The following PPP2R2B variants were observed in gnomAD, a reference collection of about 807,000 sequenced individuals.
The protein encoded by PPP2R2B is protein phosphatase 2 regulatory subunit Bbeta.
A neutral mutation model predicts 46.0 loss-of-function variants in PPP2R2B; 5 were observed. That is an observed-to-expected ratio of 0.11 (90% CI 0.06 to 0.23). PPP2R2B has a LOEUF of 0.23. PPP2R2B is among the 10% of genes least tolerant of loss of function. PPP2R2B has a pLI of 1.00. For synonymous variants in PPP2R2B, 215 were observed against 206.7 expected, an observed-to-expected ratio of 1.04 and a Z score of -0.34; for missense variants, 367 against 575.0, an observed-to-expected ratio of 0.64 and a Z score of 3.70.
chr5:147,005,864 T>C (rs1754414078), intron 1 of PPP2R2B, among the ~76,000 whole-genome samples: 1 of 152,124 alleles, frequency 6.6e-6, no homozygotes, highest in African/African-American at 2.4e-5. Flanking sequence ...CCCTATTCCT[T>C]TAAAAGCCAG....
At chr5:146,933,808 A>C (rs1431721175) in intron 1 of PPP2R2B, among the ~76,000 whole-genome samples, 3 of 149,366 alleles carry the variant, frequency 2.0e-5, no homozygotes, top group Non-Finnish European at 4.5e-5. Flanking sequence ...CATTAGGTGT[A>C]TCTCCCAATG....
In PPP2R2B at chr5:146,878,489, A is replaced by T. The variant is rs1038755276; in HGVS notation, c.-125+102T>A. The T allele has an allele frequency of 1.4e-5, 19 of 1,342,110 alleles. No individual in the cohort carries two copies. In the East Asian group the frequency reaches 5.4e-4, roughly 38 times the overall value. 83.1% of individuals were successfully genotyped at this position (1,342,110 alleles called of 1,614,324 possible). ...TGGCAGCCGCTCCAAAATGCAAAAA[A>T]GATCCCTCCTCCCCCTGGGAGAGCG... On this transcript the variant is annotated intron_variant, in intron 1 of 9. Coordinates refer to ENST00000394411, the MANE Select transcript of PPP2R2B (RefSeq NM_181675.4). The surrounding 1 kb of genome is among the most constrained non-coding windows in gnomAD (Gnocchi z 4.5).
At chr5:146,761,510 G>A (rs1396354853) in intron 2 of PPP2R2B, among the ~76,000 whole-genome samples, 1 of 152,130 alleles carries the variant, frequency 6.6e-6, no homozygotes, top group Non-Finnish European at 1.5e-5. Context: ...ACTGGGGACT[G>A]TTGTGGGGTG....
chr5:146,633,844 C>T (rs73793208), intron 7 of PPP2R2B, among the ~76,000 whole-genome samples: 227 of 152,302 alleles, frequency 1.5e-3, no homozygotes, highest in African/African-American at 5.1e-3. Flanking sequence ...GGGCTCTCCC[C>T]GTCTGCTTCT....
intron 1 of PPP2R2B, among the ~76,000 whole-genome samples, chr5:146,938,428 A>T (rs1165861560): frequency 8.3e-6 from 1 of 120,112 alleles, no homozygotes; most frequent in Non-Finnish European, 1.6e-5. Flanking sequence ...ACCTAAGCCC[A>T]AAAGATTCTG....
intron 9 of PPP2R2B, among the ~76,000 whole-genome samples, 179 bp from the exon 10 acceptor site, chr5:146,590,405 T>C (rs1321315777): frequency 6.7e-6 from 1 of 149,482 alleles, no homozygotes; most frequent in Admixed American, 6.6e-5. Flanking sequence ...TGTGTTTTTT[T>C]TTTTTTTTTT....
At chr5:147,062,235 G>A (rs1325657018) in intron 2 of PPP2R2B, among the ~76,000 whole-genome samples, 48 of 152,154 alleles carry the variant, frequency 3.2e-4, no homozygotes, top group Admixed American at 3.1e-3. Context: ...AGGAGCAATA[G>A]GCTGTACCAT....
chr5:147,076,310 G>C (rs1306508190), intron 2 of PPP2R2B, among the ~76,000 whole-genome samples: 1 of 151,564 alleles, frequency 6.6e-6, no homozygotes, highest in South Asian at 2.1e-4. Flanking sequence ...CTCCATTTTG[G>C]TAAAAAAAAA....
intron 1 of PPP2R2B, among the ~76,000 whole-genome samples, chr5:146,944,166 A>G (rs1418674997): frequency 6.6e-6 from 1 of 152,208 alleles, no homozygotes; most frequent in Non-Finnish European, 1.5e-5. Context: ...TGGTCTCATT[A>G]CTGCTCCTAA....
chr5:146,629,785 T>C (rs1232630165), intron 7 of PPP2R2B, among the ~76,000 whole-genome samples: 1 of 149,852 alleles, frequency 6.7e-6, no homozygotes, highest in Non-Finnish European at 1.5e-5. Context: ...CTTTCCCCTT[T>C]CCCCTTTCTC....
intron 2 of PPP2R2B, among the ~76,000 whole-genome samples, chr5:146,820,880 A>G (rs1031549441): frequency 1.3e-5 from 2 of 152,152 alleles, no homozygotes; most frequent in Non-Finnish European, 1.5e-5. Flanking sequence ...ACCTAGATAG[A>G]AGCCCTACTA....
chr5:146,688,375 C>T (rs985219462), intron 5 of PPP2R2B, among the ~76,000 whole-genome samples: 20 of 151,732 alleles, frequency 1.3e-4, no homozygotes, highest in East Asian at 3.9e-4. Flanking sequence ...GTCCAGTGAC[C>T]GCAGACCCCC....
chr5:146,805,554 G>A (rs921893408), intron 2 of PPP2R2B, among the ~76,000 whole-genome samples: 5 of 152,098 alleles, frequency 3.3e-5, no homozygotes, highest in African/African-American at 1.2e-4. Context: ...TTTAATTTTT[G>A]CTCTCACCAA....
chr5:146,810,593 A>G (rs532912626), intron 2 of PPP2R2B, among the ~76,000 whole-genome samples: 9 of 152,202 alleles, frequency 5.9e-5, no homozygotes, highest in Non-Finnish European at 1.3e-4. Context: ...TCGTCCAGCC[A>G]GGATTTGAAC....
At chr5:146,950,233 T>C (rs560830193) in intron 1 of PPP2R2B, among the ~76,000 whole-genome samples, 1 of 152,138 alleles carries the variant, frequency 6.6e-6, no homozygotes, top group East Asian at 1.9e-4. Flanking sequence ...ATGTACCTCA[T>C]AAATATATAT....
chr5:146,979,609 C>G (rs1385779464), intron 1 of PPP2R2B, among the ~76,000 whole-genome samples: 2 of 151,260 alleles, frequency 1.3e-5, no homozygotes, highest in East Asian at 1.9e-4. Context: ...GCTAGTCCCT[C>G]TTTATCCACA....
At chr5:146,625,166 T>C (rs1334098612) in intron 7 of PPP2R2B, among the ~76,000 whole-genome samples, 1 of 152,258 alleles carries the variant, frequency 6.6e-6, no homozygotes, top group African/African-American at 2.4e-5. Context: ...AAACTTATGT[T>C]CTAGTTTTCC....
At chr5:146,784,052 T>C (rs947281787) in intron 2 of PPP2R2B, among the ~76,000 whole-genome samples, 2 of 152,056 alleles carry the variant, frequency 1.3e-5, no homozygotes, top group African/African-American at 4.8e-5. Flanking sequence ...TTGACTGGAG[T>C]ACCCCAAAAT....
intron 2 of PPP2R2B, among the ~76,000 whole-genome samples, chr5:146,715,690 G>A (rs1780457218): frequency 6.6e-6 from 1 of 152,290 alleles, no homozygotes; most frequent in South Asian, 2.1e-4. Context: ...ACTAGTCGTG[G>A]AGCTGGGATT....
Sources: gnomAD v4.1 joint callset for allele counts (sites outside exome capture counted in the v4.1 genomes callset) on GRCh38, gnomAD v4.1.1 for gene constraint, Gnocchi (gnomAD v3.1) non-coding constraint, MANE v1.5 for transcripts, NCBI Gene and HGNC (gene_info 2026-07-23, HGNC 2026-07-21) for gene names.